CRISPLD2: variants seen among roughly 807,000 people sequenced by gnomAD.
CRISPLD2 encodes cysteine-rich secretory protein LCCL domain-containing 2.
Under a neutral mutation model 71.1 loss-of-function variants are expected in CRISPLD2, and 47 were observed. That is an observed-to-expected ratio of 0.66 (90% CI 0.52 to 0.84). The LOEUF is 0.84. Among genes scored for constraint, CRISPLD2 ranks in the 40% least tolerant of loss-of-function variants. CRISPLD2 has a pLI of 0.00. For synonymous variants in CRISPLD2, 317 were observed against 250.1 expected (o/e 1.27, Z -2.52); for missense variants, 830 against 651.1 (o/e 1.27, Z -2.99).
chr16:84,852,854 T>C (rs901328618), intron 5 of CRISPLD2, among the ~76,000 whole-genome samples: 30 of 152,026 alleles, frequency 2.0e-4, no homozygotes, highest in Middle Eastern at 3.4e-3. Flanking sequence ...ATCGCTTGAG[T>C]CCAGGAGTTC....
intron 13 of CRISPLD2, among the ~76,000 whole-genome samples, chr16:84,884,768 T>C (rs954910683): frequency 4.6e-5 from 7 of 152,200 alleles, no homozygotes; most frequent in Admixed American, 3.9e-4. Flanking sequence ...CTTGATGTTA[T>C]CACAGAAAAC....
At chr16:84,830,077 C>G in intron 1 of CRISPLD2, among the ~76,000 whole-genome samples, 1 of 152,198 alleles carries the variant, frequency 6.6e-6, no homozygotes, top group East Asian at 1.9e-4. Context: ...AATCCCAACA[C>G]TTTGGGAGGC....
intron 6 of CRISPLD2, among the ~76,000 whole-genome samples, chr16:84,858,727 A>G (rs1917306529): frequency 6.6e-6 from 1 of 152,262 alleles, no homozygotes; most frequent in Admixed American, 6.5e-5. Flanking sequence ...GCTTAGGACA[A>G]TAAAGATACA....
chr16:84,903,139 T>C (rs908394579), intron 14 of CRISPLD2, among the ~76,000 whole-genome samples: 1 of 152,062 alleles, frequency 6.6e-6, no homozygotes, highest in Admixed American at 6.5e-5. Flanking sequence ...CTGATTTGGT[T>C]TGGTCTGTTG....
chr16:84,847,054 G>C (rs554583549), intron 3 of CRISPLD2, among the ~76,000 whole-genome samples: 17 of 152,360 alleles, frequency 1.1e-4, no homozygotes, highest in Admixed American at 4.6e-4. Flanking sequence ...CCATGCCCAA[G>C]GCCAGAATTC....
chr16:84,873,048 C>A lies in CRISPLD2; in HGVS notation c.1038C>A (p.Gly346=). ...ACGGGATCCTGGATGACAAGGGAGG[C>A]CTGGTGGATATCACCAGGAACGGGA... ...IHYGILDDKG[G]LVDITRNGKV... is the part of the protein sequence containing the mutation. The change falls in exon 10 of 15, where the codon GGC becomes GGA. Residue 346 remains glycine (G), a synonymous_variant. Coordinates refer to ENST00000262424, the MANE Select transcript of CRISPLD2 (RefSeq NM_031476.4). 6.2e-7 allele frequency: 1 copy of A among 1,613,916 alleles called. No individual in the cohort carries two copies. Among genetic ancestry groups the A allele is most frequent in the Non-Finnish European group, 8.5e-7 (1 of 1,179,940 alleles).
At chr16:84,838,388 G>T in intron 1 of CRISPLD2, 34 bp from the exon 2 acceptor site, 57 of 1,351,668 alleles carry the variant, frequency 4.2e-5, no homozygotes, top group East Asian at 9.8e-5. Context: ...TCCTACTAAT[G>T]CGACTTCTCC....
At chr16:84,893,978 C>G (rs1161806033) in intron 14 of CRISPLD2, among the ~76,000 whole-genome samples, 3 of 152,228 alleles carry the variant, frequency 2.0e-5, no homozygotes, top group African/African-American at 4.8e-5. Flanking sequence ...TCACAGCAAA[C>G]TGTACTTTAA....
chr16:84,885,812 CTT>C (rs781115960), intron 13 of CRISPLD2, among the ~76,000 whole-genome samples: 4 of 95,772 alleles, frequency 4.2e-5, no homozygotes, highest in Admixed American at 1.3e-4. Context: ...TGGATCCCTT[CTT>C]TTTTTTTTTT....
intron 14 of CRISPLD2, among the ~76,000 whole-genome samples, chr16:84,904,891 G>A (rs8049317): frequency 0.51 from 77,403 of 152,094 alleles, 20,515 homozygotes; most frequent in South Asian, 0.7. Flanking sequence ...CATGACCTTG[G>A]ATGGTTTGCT....
intron 12 of CRISPLD2, 41 bp from the exon 13 acceptor site, chr16:84,880,468 C>T (rs749626794): frequency 1.3e-6 from 2 of 1,512,068 alleles, no homozygotes; most frequent in African/African-American, 1.4e-5. Flanking sequence ...GTTTGGTTTT[C>T]TGTGCTCAGA....
At position 84,838,821 on chromosome 16, in the gene CRISPLD2, C is replaced by G. The variant is rs1011438483; in HGVS notation, c.240+86C>G. ...GCTCTGTTCCCCAGCCAGCTCTGTT[C>G]CCCAGCCAGTGCGTGTGATGGCTGG... On this transcript the variant is annotated intron_variant, in intron 2 of 14. Transcript: ENST00000262424. 6.6e-6 allele frequency: 10 copies of G among 1,508,116 alleles called. No homozygotes were observed. In the African/African-American group the frequency reaches 9.7e-5, roughly 15 times the overall value. 93.4% of individuals were successfully genotyped at this position (1,508,116 alleles called of 1,614,324 possible).
intron 2 of CRISPLD2, among the ~76,000 whole-genome samples, chr16:84,840,311 C>T (rs538427336): frequency 6.6e-6 from 1 of 152,162 alleles, no homozygotes; most frequent in African/African-American, 2.4e-5. Context: ...TTAATCCTGA[C>T]AGTAATCCTG....
In CRISPLD2 at chr16:84,854,668, A is replaced by G. The variant is rs930002864; in HGVS notation, c.609-61A>G. 8 of 1,227,908 alleles carry G rather than the reference A, an allele frequency of 6.5e-6. No homozygotes were observed. In the Admixed American group the frequency reaches 1.2e-4, roughly 18 times the overall value. 76.1% of individuals were successfully genotyped at this position (1,227,908 alleles called of 1,614,324 possible). A position where few individuals can be genotyped will look rare whatever the true frequency, so the allele number is the denominator to read the frequency against. On this transcript the variant is annotated intron_variant, in intron 5 of 14. Coordinates refer to ENST00000262424, the MANE Select transcript of CRISPLD2 (RefSeq NM_031476.4). ...GGACTCACGTGGGCCTTGGAAGAGG[A>G]TCAGTCCCGAGGCCTCACGTCGTGG...
chr16:84,899,544 C>T (rs1305037671), intron 14 of CRISPLD2, among the ~76,000 whole-genome samples: 1 of 152,310 alleles, frequency 6.6e-6, no homozygotes, highest in South Asian at 2.1e-4. Flanking sequence ...CCCAAACCTG[C>T]GGGAATTTTT....
intron 13 of CRISPLD2, among the ~76,000 whole-genome samples, chr16:84,882,370 AAGC>A (rs1427063689): frequency 3.0e-5 from 4 of 132,098 alleles, no homozygotes; most frequent in Non-Finnish European, 4.8e-5. Flanking sequence ...AAAAAAAAAA[AAGC>A]AAGAACTTAA....
chr16:84,886,847 C>T (rs2143337454), intron 13 of CRISPLD2, among the ~76,000 whole-genome samples: 1 of 152,314 alleles, frequency 6.6e-6, no homozygotes, highest in South Asian at 2.1e-4. Context: ...TAAACTTACC[C>T]TCTTAACCAT....
chr16:84,880,041 G>T (rs569329249), intron 12 of CRISPLD2, among the ~76,000 whole-genome samples: 3 of 152,102 alleles, frequency 2.0e-5, no homozygotes, highest in Admixed American at 1.3e-4. Flanking sequence ...CAGGTTATCA[G>T]TGCCCCCGCC....
In CRISPLD2 at chr16:84,889,450, C is replaced by T. The variant is rs116458443; in HGVS notation, c.1439+87C>T. The T allele has an allele frequency of 4.1e-4, 573 of 1,398,000 alleles. 1 individual carries two copies. The African/African-American group carries it at 6.8e-3, about 17-fold the overall frequency. 86.6% of individuals were successfully genotyped at this position (1,398,000 alleles called of 1,614,324 possible). A position where few individuals can be genotyped will look rare whatever the true frequency, so the allele number is the denominator to read the frequency against. Reference sequence around the variant, plus strand: ...CCTGGGAAGAGGCCCAGAGTCATTACCCTTTAAAATAAAACTCGGGTAGAC... The same window carrying T: ...CCTGGGAAGAGGCCCAGAGTCATTATCCTTTAAAATAAAACTCGGGTAGAC... On this transcript the variant is annotated intron_variant, in intron 14 of 14. Coordinates refer to ENST00000262424, the MANE Select transcript of CRISPLD2 (RefSeq NM_031476.4).
Sources: allele counts gnomAD v4.1 joint callset (sites outside exome capture counted in the v4.1 genomes callset), GRCh38; gene constraint gnomAD v4.1.1; transcripts MANE v1.5; gene names NCBI Gene and HGNC (gene_info 2026-07-23, HGNC 2026-07-21).